Variants in SNX31 observed in about 807,000 individuals in gnomAD.
SNX31 encodes sorting nexin-31.
In SNX31, 58 loss-of-function variants were observed where a neutral mutation model predicts 65.4. The ratio of observed to expected loss-of-function variants is 0.89; its 90% confidence interval spans 0.72 to 1.10. The LOEUF (loss-of-function observed/expected upper bound fraction) is 1.10, where lower values mean the gene tolerates loss of function less well. Among genes scored for constraint, SNX31 ranks in the 50% least tolerant of loss-of-function variants. SNX31 has a pLI of 0.00. For missense variants in SNX31, 523 were observed against 529.7 expected (o/e 0.99, Z 0.12); for synonymous variants, 181 against 190.1 (o/e 0.95, Z 0.39).
upstream of SNX31, among the ~76,000 whole-genome samples, chr8:100,651,851 T>G (rs1302470643): frequency 6.6e-6 from 1 of 152,218 alleles, no homozygotes; most frequent in African/African-American, 2.4e-5. Context: ...TTGCAGAATT[T>G]GTGAATAGTA....
rs76379432 is a variant in SNX31 at position 100,660,782 on chromosome 8, T to C, written c.-58+2360A>G. Among the ~76,000 whole-genome samples, 976 of 152,324 alleles carry C rather than the reference T, an allele frequency of 6.4e-3. 10 individuals carry two copies. The highest frequency in any genetic ancestry group is 0.021 in the African/African-American group (877 of 41,582). On this transcript the variant is annotated intron_variant, in intron 1 of 5. Coordinates refer to the SNX31 transcript ENST00000520352. This position sits in a 1 kb window ranked among gnomAD's most constrained non-coding sequence, Gnocchi z 4.1. ...CATAAAATGAGCTCACAAAGGCATT[T>C]ACACTAGAATCATAAATCTGAATAA...
chr8:100,617,767 CTTTTTT>C, intron 4 of SNX31, 37 bp from the exon 5 acceptor site: 1 of 1,285,550 alleles, frequency 7.8e-7, no homozygotes, highest in Non-Finnish European at 1.1e-6. Context: ...ATTTCCACAC[CTTTTTT>C]TTTTTTTTGG....
intron 2 of SNX31, among the ~76,000 whole-genome samples, chr8:100,646,811 T>C (rs185444008): frequency 6.6e-6 from 1 of 152,316 alleles, no homozygotes; most frequent in East Asian, 1.9e-4. Context: ...AGTATGTTAG[T>C]TTAGGACTCA....
chr8:100,597,433 G>T (rs946230458), intron 9 of SNX31, among the ~76,000 whole-genome samples: 1 of 152,090 alleles, frequency 6.6e-6, no homozygotes, highest in South Asian at 2.1e-4. Context: ...GTGGAGACAG[G>T]GTTTCACCAT....
chr8:100,616,283 G>A (rs534537534), intron 5 of SNX31, among the ~76,000 whole-genome samples: 1 of 152,266 alleles, frequency 6.6e-6, no homozygotes, highest in Non-Finnish European at 1.5e-5. Flanking sequence ...GGCATGTCTA[G>A]TTTGGTCAGC....
chr8:100,618,311 C>T, intron 4 of SNX31: 16 of 1,532,022 alleles, frequency 1.0e-5, no homozygotes, highest in Non-Finnish European at 1.3e-5. Context: ...GCATCCTTAA[C>T]AGTCTCATAA....
At position 100,648,114 on chromosome 8, in the gene SNX31, T is replaced by C. The variant is rs544962351; in HGVS notation, c.141+1160A>G. Reference sequence around the variant, plus strand: ...GAAAATGGACTTTTCCAATGCACTGTGATGTATGAGCAAGAAGGCTTGCTA... The same window carrying C: ...GAAAATGGACTTTTCCAATGCACTGCGATGTATGAGCAAGAAGGCTTGCTA... On this transcript the variant is annotated intron_variant, in intron 2 of 13. Transcript: ENST00000311812. This position sits in a 1 kb window ranked among gnomAD's most constrained non-coding sequence, Gnocchi z 4.3. Among the ~76,000 whole-genome samples the C allele has an allele frequency of 1.9e-4, 29 of 152,282 alleles. No individual in the cohort carries two copies. Among genetic ancestry groups the C allele is most frequent in the Middle Eastern group, 6.8e-3 (2 of 294 alleles).
chr8:100,590,464 G>T (rs988931500), intron 10 of SNX31, among the ~76,000 whole-genome samples: 1 of 152,070 alleles, frequency 6.6e-6, no homozygotes, highest in Admixed American at 6.6e-5. Flanking sequence ...TAGAAATATC[G>T]GTCTGGCAGC....
At chr8:100,596,417 G>T (rs1815097376) in intron 10 of SNX31, among the ~76,000 whole-genome samples, 1 of 152,110 alleles carries the variant, frequency 6.6e-6, no homozygotes, top group South Asian at 2.1e-4. Flanking sequence ...GAGGCCTGTT[G>T]TTAGGAAGGT....
intron 2 of SNX31, among the ~76,000 whole-genome samples, chr8:100,638,458 T>G (rs988338921): frequency 3.3e-5 from 5 of 152,234 alleles, no homozygotes; most frequent in African/African-American, 1.2e-4. Context: ...AAAAGTTCTA[T>G]TGGGAAACAT....
rs1007474595 is a variant in SNX31, at chr8:100,622,847, C to T, written c.322-5117G>A. Among the ~76,000 whole-genome samples, 1 of 152,026 alleles carries T rather than the reference C, an allele frequency of 6.6e-6. No individual in the cohort carries two copies. The highest frequency in any genetic ancestry group is 6.5e-5 in the Admixed American group (1 of 15,270). ...CAATGTTTTGTTTGATGTCGCAGTA[C>T]TGGTTTTGGCTGAGGTAACCTCCTC... is the stretch of plus-strand genomic sequence containing the variant. On this transcript the variant is annotated intron_variant, in intron 4 of 13. Transcript: ENST00000311812. The surrounding 1 kb of genome is among the most constrained non-coding windows in gnomAD (Gnocchi z 5.0).
chr8:100,578,863 A>C lies in SNX31; in HGVS notation c.1171-1788T>G, dbSNP rs988073015. 6.6e-6 allele frequency among the ~76,000 whole-genome samples: 1 copy of C among 152,072 alleles called. No homozygotes were observed. The highest frequency in any genetic ancestry group is 1.5e-5 in the Non-Finnish European group (1 of 68,008). The stretch of plus-strand genomic sequence containing the variant: ...CAGTCTCCCAAGTAGCTAGGAATAC[A>C]GGTACGCGCCACCATGCCCATCTAA... On this transcript the variant is annotated intron_variant, in intron 12 of 13. Transcript: ENST00000311812. This position sits in a 1 kb window ranked among gnomAD's most constrained non-coding sequence, Gnocchi z 4.7.
intron 12 of SNX31, among the ~76,000 whole-genome samples, chr8:100,581,186 C>T (rs1313414219): frequency 1.3e-5 from 2 of 151,452 alleles, no homozygotes; most frequent in Admixed American, 1.3e-4. Context: ...GTGGTCCCAG[C>T]TACTTGGGAG....
intron 2 of SNX31, among the ~76,000 whole-genome samples, chr8:100,641,425 G>T (rs1156324612): frequency 6.7e-6 from 1 of 149,564 alleles, no homozygotes; most frequent in East Asian, 2.0e-4. Flanking sequence ...TGTAGTCCCA[G>T]CTACTCAGGA....
chr8:100,653,620 G>A (rs1430509684), upstream of SNX31, among the ~76,000 whole-genome samples: 4 of 152,184 alleles, frequency 2.6e-5, no homozygotes, highest in East Asian at 5.8e-4. Context: ...GAGAGAGCAC[G>A]GCTCTGCCGA....
In SNX31 at chr8:100,573,882, T is replaced by C; in HGVS notation, c.1306A>G (p.Lys436Glu). 1 of 1,576,170 alleles carries C rather than the reference T, an allele frequency of 6.3e-7. No homozygotes were observed. Among genetic ancestry groups the C allele is most frequent in the Non-Finnish European group, 8.6e-7 (1 of 1,161,450 alleles). ...AGCTTTCTTCAGAGATCTTCTTCCT[T>C]TATGTTCCCAAAAACGCAGTCATCT... ...AKDDCVFGNI[K>E]EEDL is the part of the protein sequence containing the mutation. The change falls in exon 14 of 14, where the codon AAG (lysine) becomes GAG (glutamate). Residue 436 changes from lysine to glutamate, a missense_variant. Coordinates refer to ENST00000311812, the MANE Select transcript of SNX31 (RefSeq NM_152628.4).
In SNX31 at chr8:100,575,348, T is replaced by C. The variant is rs1812960913; in HGVS notation, c.1228-1388A>G. Among the ~76,000 whole-genome samples the C allele has an allele frequency of 6.6e-6, 1 of 152,272 alleles. No homozygotes were observed. The highest frequency in any genetic ancestry group is 2.4e-5 in the African/African-American group (1 of 41,476). On this transcript the variant is annotated intron_variant, in intron 13 of 13. Transcript: ENST00000311812. This position sits in a 1 kb window ranked among gnomAD's most constrained non-coding sequence, Gnocchi z 5.1. ...TTGTTTATTGGGATTAAACGAGTTA[T>C]ACATAAAAAGTAATTATAGCAGTTC... is the stretch of plus-strand genomic sequence containing the variant.
chr8:100,608,507 A>G lies in SNX31; in HGVS notation c.668T>C (p.Leu223Ser), dbSNP rs370147943. The G allele has an allele frequency of 6.2e-7, 1 of 1,613,988 alleles. No homozygotes were observed. Among genetic ancestry groups the G allele is most frequent in the African/African-American group, 1.3e-5 (1 of 74,916 alleles). The change falls in exon 8 of 14, where the codon TTG becomes TCG. Residue 223 changes from leucine to serine, a missense_variant. By Grantham distance (145) the Leu-to-Ser change is moderately radical. Transcript: ENST00000311812. The stretch of plus-strand genomic sequence containing the variant: ...GGTGACCCTCACCTGCATGTAGAGC[A>G]AATCTACCGCCACCCTGCAGTCCAT... The part of the protein sequence containing the change: ...VLMDCRVAVD[L>S]LYMQAIQDIE...
At position 100,612,004 on chromosome 8, in the gene SNX31, T is replaced by C. The variant is rs552246877; in HGVS notation, c.607A>G (p.Lys203Glu). 4 of 1,613,768 alleles carry C rather than the reference T, an allele frequency of 2.5e-6. No individual in the cohort carries two copies. Among genetic ancestry groups the C allele is most frequent in the African/African-American group, 1.3e-5 (1 of 75,008 alleles). Residue 203 changes from lysine (K) to glutamate (E), a missense_variant, in exon 7 of 14, where the codon AAG becomes GAG. By Grantham distance (56) the Lys-to-Glu change is moderately conservative (BLOSUM62 1). Coordinates refer to ENST00000311812, the MANE Select transcript of SNX31 (RefSeq NM_152628.4). The surrounding 1 kb of genome is among the most constrained non-coding windows in gnomAD (Gnocchi z 4.3). ...TCACTTTCAGAACCTACTTACCACTTTCGGAGTCCAACCTTACAGTTTTCC... is the reference window on the plus strand; with the variant it reads ...TCACTTTCAGAACCTACTTACCACTCTCGGAGTCCAACCTTACAGTTTTCC... ...EVENCKVGLRKWYMAPSLDSV... is the reference protein window; with the variant it reads ...EVENCKVGLREWYMAPSLDSV...
Sources: allele counts gnomAD v4.1 joint callset (sites outside exome capture counted in the v4.1 genomes callset), GRCh38; gene constraint gnomAD v4.1.1; non-coding constraint Gnocchi (gnomAD v3.1); transcripts MANE v1.5; gene names NCBI Gene and HGNC (gene_info 2026-07-23, HGNC 2026-07-21).